ADARB2: variants seen among roughly 807,000 people sequenced by gnomAD.
ADARB2 encodes inactive double-stranded RNA-specific editase B2.
A neutral mutation model predicts 62.2 loss-of-function variants in ADARB2; 25 were observed. The ratio of observed to expected loss-of-function variants is 0.40; its 90% CI spans 0.29 to 0.56. ADARB2 has a LOEUF of 0.56. Ranked by LOEUF, ADARB2 falls within the 20% of genes least tolerant of loss-of-function variation. The pLI is 0.43. For missense variants in ADARB2, 1,071 were observed against 1,077.4 expected (o/e 0.99, Z 0.08); for synonymous variants, 572 against 500.8 (o/e 1.14, Z -1.90).
chr10:1,478,886 G>T (rs968283428), intron 1 of ADARB2, among the ~76,000 whole-genome samples: 1 of 152,192 alleles, frequency 6.6e-6, no homozygotes, highest in Non-Finnish European at 1.5e-5. Flanking sequence ...AGATGGGAGA[G>T]TGCCAAAATG....
intron 1 of ADARB2, among the ~76,000 whole-genome samples, chr10:1,728,885 G>A (rs924153573): frequency 6.6e-6 from 1 of 152,162 alleles, no homozygotes; most frequent in Non-Finnish European, 1.5e-5. Flanking sequence ...TATCACTCAG[G>A]GCTGTCAAAG....
intron 8 of ADARB2, among the ~76,000 whole-genome samples, chr10:1,197,150 C>T (rs1227628066): frequency 6.6e-6 from 1 of 152,144 alleles, no homozygotes; most frequent in Non-Finnish European, 1.5e-5. Flanking sequence ...AAAATATTTG[C>T]TACTGCTTCA....
intron 3 of ADARB2, among the ~76,000 whole-genome samples, chr10:1,350,176 A>G (rs1212794526): frequency 6.6e-6 from 1 of 152,162 alleles, no homozygotes; most frequent in Admixed American, 6.5e-5. Flanking sequence ...ATCCTACAAG[A>G]TCTAAATAAT....
chr10:1,302,569 G>A (rs1271414586), intron 3 of ADARB2, among the ~76,000 whole-genome samples: 9 of 152,156 alleles, frequency 5.9e-5, no homozygotes, highest in Non-Finnish European at 1.0e-4. Context: ...TCCACCTCTG[G>A]GGGCAGGGCA....
At chr10:1,232,878 GTGTT>G (rs918121931) in intron 6 of ADARB2, among the ~76,000 whole-genome samples, 4 of 151,476 alleles carry the variant, frequency 2.6e-5, no homozygotes, top group African/African-American at 9.7e-5. Flanking sequence ...TGTGGTGTGT[GTGTT>G]GTATGTGTGT....
chr10:1,349,583 T>C (rs893797429), intron 3 of ADARB2, among the ~76,000 whole-genome samples: 4 of 152,166 alleles, frequency 2.6e-5, no homozygotes, highest in Non-Finnish European at 4.4e-5. Flanking sequence ...GTGGCCTCTT[T>C]TTTACTCTCT....
intron 1 of ADARB2, among the ~76,000 whole-genome samples, chr10:1,537,778 C>T (rs910891050): frequency 6.6e-6 from 1 of 152,034 alleles, no homozygotes; most frequent in African/African-American, 2.4e-5. Flanking sequence ...CACATGGACA[C>T]AGGGAGGGGA....
At chr10:1,202,781 G>A (rs1837004262) in intron 7 of ADARB2, among the ~76,000 whole-genome samples, 1 of 152,220 alleles carries the variant, frequency 6.6e-6, no homozygotes, top group African/African-American at 2.4e-5. Flanking sequence ...AAGCACCTTC[G>A]TGAAATAAGC....
chr10:1,465,833 C>G (rs545945739), intron 1 of ADARB2, among the ~76,000 whole-genome samples: 2 of 152,218 alleles, frequency 1.3e-5, no homozygotes, highest in Admixed American at 1.3e-4. Flanking sequence ...GAGCCTCCCT[C>G]GGGCGGTCCT....
At position 1,622,383 on chromosome 10, in the gene ADARB2, C is replaced by T. The variant is rs1588327395; in HGVS notation, c.100+114668G>A. On this transcript the variant is annotated intron_variant, in intron 1 of 9. Coordinates refer to ENST00000381312, the MANE Select transcript of ADARB2 (RefSeq NM_018702.4). The stretch of plus-strand genomic sequence containing the variant: ...TAAAACTTTGAGCTTCAAAACACAT[C>T]TTTAATGAAAAAATAAATCTTATAC... Among the ~76,000 whole-genome samples the T allele has an allele frequency of 2.0e-5, 3 of 152,242 alleles. No individual in the cohort carries two copies. The South Asian group carries it at 6.2e-4, about 32-fold the overall frequency.
At chr10:1,656,236 T>C (rs959151979) in intron 1 of ADARB2, among the ~76,000 whole-genome samples, 10 of 152,282 alleles carry the variant, frequency 6.6e-5, no homozygotes, top group African/African-American at 2.4e-4. Flanking sequence ...AACTTTGAAA[T>C]AATCCCCCTT....
chr10:1,609,468 G>A (rs1299551276), intron 1 of ADARB2, among the ~76,000 whole-genome samples: 1 of 152,230 alleles, frequency 6.6e-6, no homozygotes, highest in African/African-American at 2.4e-5. Flanking sequence ...GGGCCAAGAA[G>A]CCTCCTGGCC....
intron 1 of ADARB2, among the ~76,000 whole-genome samples, chr10:1,510,110 C>CCCTTTCTTTCTT (rs1831908330): frequency 1.9e-5 from 2 of 106,184 alleles, no homozygotes; most frequent in Non-Finnish European, 3.8e-5. Context: ...CTTTCTTTCT[C>CCCTTTCTTTCTT]TCTTTCTTTC....
At chr10:1,300,855 A>G (rs1442058441) in intron 3 of ADARB2, among the ~76,000 whole-genome samples, 1 of 152,184 alleles carries the variant, frequency 6.6e-6, no homozygotes, top group African/African-American at 2.4e-5. Context: ...TGTGGTCACT[A>G]TGCCAAAAGA....
At chr10:1,668,718 A>G (rs1466359617) in intron 1 of ADARB2, among the ~76,000 whole-genome samples, 1 of 152,238 alleles carries the variant, frequency 6.6e-6, no homozygotes, top group Non-Finnish European at 1.5e-5. Context: ...TTTCATAATG[A>G]TAAGCCCTGG....
At chr10:1,680,953 T>A (rs1012555891) in intron 1 of ADARB2, among the ~76,000 whole-genome samples, 3 of 152,188 alleles carry the variant, frequency 2.0e-5, no homozygotes, top group African/African-American at 7.2e-5. Flanking sequence ...AATGGGCAAC[T>A]CCGTAGTAGA....
intron 3 of ADARB2, among the ~76,000 whole-genome samples, chr10:1,283,058 A>G (rs140232076): frequency 1.2e-4 from 19 of 152,332 alleles, no homozygotes; most frequent in African/African-American, 2.9e-4. Flanking sequence ...CAGAAGGTAG[A>G]CAAACCTGTG....
intron 3 of ADARB2, among the ~76,000 whole-genome samples, chr10:1,320,306 A>C (rs1448265058): frequency 6.6e-6 from 1 of 152,198 alleles, no homozygotes; most frequent in East Asian, 1.9e-4. Flanking sequence ...GCTCCCCAAA[A>C]GTATGTGAAT....
intron 3 of ADARB2, among the ~76,000 whole-genome samples, chr10:1,280,542 C>CTGAAATTCCTAAGTGATGCTCCG (rs369947663): frequency 0.014 from 1,980 of 146,414 alleles, 226 homozygotes; most frequent in African/African-American, 0.031. Flanking sequence ...GGTGTGGATC[C>CTGAAATTCCTAAGTGATGCTCCG]TGAAATTCCT....
Sources: allele counts gnomAD v4.1 joint callset (sites outside exome capture counted in the v4.1 genomes callset), GRCh38; gene constraint gnomAD v4.1.1; transcripts MANE v1.5; gene names NCBI Gene and HGNC (gene_info 2026-07-23, HGNC 2026-07-21).